The following CCSER1 variants were observed in gnomAD, a reference collection of about 807,000 sequenced individuals.
The protein encoded by CCSER1 is serine-rich coiled-coil domain-containing protein 1.
In CCSER1, 41 loss-of-function variants were observed where a neutral mutation model predicts 82.0. That is an observed-to-expected ratio of 0.50 (90% confidence interval 0.39 to 0.65). The LOEUF (loss-of-function observed/expected upper bound fraction) is 0.65. Ranked by LOEUF, CCSER1 falls within the 30% of genes least tolerant of loss-of-function variation. The probability of loss-of-function intolerance (pLI) is 0.00; values close to 1 mark genes in which losing one functional copy is unlikely to be tolerated. For missense variants in CCSER1, 1,119 were observed against 1,064.2 expected (o/e 1.05, Z -0.72); for synonymous variants, 414 against 383.9 (o/e 1.08, Z -0.92).
chr4:91,310,622 C>A (rs1007975008), intron 10 of CCSER1, among the ~76,000 whole-genome samples: 1 of 151,860 alleles, frequency 6.6e-6, no homozygotes, highest in Non-Finnish European at 1.5e-5. Flanking sequence ...AATTAACACT[C>A]CTTTTTTGTT....
At chr4:91,140,082 T>C (rs745524439) in intron 10 of CCSER1, among the ~76,000 whole-genome samples, 43 of 152,210 alleles carry the variant, frequency 2.8e-4, no homozygotes, top group Admixed American at 1.2e-3. Context: ...TTGTGCTTTA[T>C]TCCTAATGAC....
At chr4:90,782,713 G>C (rs1753960355) in intron 7 of CCSER1, among the ~76,000 whole-genome samples, 1 of 125,520 alleles carries the variant, frequency 8.0e-6, no homozygotes, top group Non-Finnish European at 1.6e-5. Context: ...AGACAGTCTA[G>C]CTCTGTCGCC....
At chr4:90,977,233 A>G (rs974214912) in intron 9 of CCSER1, among the ~76,000 whole-genome samples, 1 of 151,568 alleles carries the variant, frequency 6.6e-6, no homozygotes, top group Non-Finnish European at 1.5e-5. Context: ...GATTCTTGAT[A>G]TCACTTTGGA....
chr4:90,713,804 A>G (rs1255924452), intron 6 of CCSER1, among the ~76,000 whole-genome samples: 6 of 151,780 alleles, frequency 4.0e-5, no homozygotes, highest in Non-Finnish European at 8.8e-5. Context: ...TTCAGTCTCT[A>G]CATAATCCCA....
chr4:90,995,951 A>G (rs1051644073), intron 9 of CCSER1, among the ~76,000 whole-genome samples: 5 of 152,116 alleles, frequency 3.3e-5, no homozygotes, highest in African/African-American at 1.2e-4. Context: ...ACCTCTGTGT[A>G]TAATTTTCAA....
chr4:90,499,129 T>G (rs1270724159), intron 5 of CCSER1, among the ~76,000 whole-genome samples: 1 of 152,066 alleles, frequency 6.6e-6, no homozygotes, highest in African/African-American at 2.4e-5. Flanking sequence ...TGTGTGTGTG[T>G]GTGCATATGT....
intron 10 of CCSER1, among the ~76,000 whole-genome samples, chr4:91,538,575 C>G (rs1761415369): frequency 6.6e-6 from 1 of 151,320 alleles, no homozygotes; most frequent in Admixed American, 6.6e-5. Context: ...ACACCTGCTT[C>G]AAACAGCAGG....
chr4:90,257,700 A>G (rs1028218189), intron 1 of CCSER1, among the ~76,000 whole-genome samples: 8 of 152,142 alleles, frequency 5.3e-5, no homozygotes, highest in African/African-American at 1.9e-4. Context: ...GAAAATTCCA[A>G]GATTTGCTGT....
intron 10 of CCSER1, among the ~76,000 whole-genome samples, chr4:91,514,778 G>A (rs570938681): frequency 4.9e-4 from 75 of 152,268 alleles, no homozygotes; most frequent in Non-Finnish European, 9.1e-4. Flanking sequence ...AGAGCTGATG[G>A]CATAGTTCCA....
intron 9 of CCSER1, among the ~76,000 whole-genome samples, chr4:91,014,752 A>G (rs949549866): frequency 1.3e-5 from 2 of 152,208 alleles, no homozygotes; most frequent in Non-Finnish European, 2.9e-5. Flanking sequence ...TTAAGAATCA[A>G]ATATTTCACT....
chr4:91,283,456 A>C (rs2149206100), intron 10 of CCSER1, among the ~76,000 whole-genome samples: 1 of 152,232 alleles, frequency 6.6e-6, no homozygotes, highest in East Asian at 1.9e-4. Context: ...TGTTTGCATC[A>C]GCTAAGGAAT....
chr4:91,552,754 T>G (rs1424985163), intron 10 of CCSER1, among the ~76,000 whole-genome samples: 4 of 151,616 alleles, frequency 2.6e-5, no homozygotes, highest in African/African-American at 9.7e-5. Flanking sequence ...TGAATTTCTT[T>G]TTTAATTCTA....
chr4:90,739,813 C>A (rs543366606), intron 7 of CCSER1, among the ~76,000 whole-genome samples: 1 of 152,242 alleles, frequency 6.6e-6, no homozygotes, highest in African/African-American at 2.4e-5. Flanking sequence ...TCTCTCTCCA[C>A]GGCAGGTGGC....
intron 10 of CCSER1, among the ~76,000 whole-genome samples, chr4:91,251,506 G>A (rs1740256134): frequency 1.3e-5 from 2 of 152,142 alleles, no homozygotes; most frequent in South Asian, 4.1e-4. Flanking sequence ...AATCCTGGAA[G>A]TGCTATACTT....
intron 8 of CCSER1, among the ~76,000 whole-genome samples, chr4:90,907,732 G>A (rs1725718050): frequency 6.7e-6 from 1 of 150,200 alleles, no homozygotes; most frequent in Non-Finnish European, 1.5e-5. Context: ...TCTTTGTACT[G>A]TTTTTTTTTC....
At chr4:90,585,981 A>G (rs138227699) in intron 5 of CCSER1, among the ~76,000 whole-genome samples, 3 of 152,332 alleles carry the variant, frequency 2.0e-5, no homozygotes, top group Admixed American at 1.3e-4. Context: ...GGTGAAATTC[A>G]TTAATAATGA....
intron 9 of CCSER1, among the ~76,000 whole-genome samples, chr4:90,924,346 G>A (rs902543562): frequency 7.9e-5 from 12 of 151,908 alleles, no homozygotes; most frequent in East Asian, 1.9e-4. Flanking sequence ...TTGTGTTGCC[G>A]TGCAAATTAC....
At chr4:90,361,125 A>T (rs1554013275) in intron 3 of CCSER1, among the ~76,000 whole-genome samples, 2 of 152,208 alleles carry the variant, frequency 1.3e-5, no homozygotes, top group Non-Finnish European at 2.9e-5. Flanking sequence ...AAGAAATGAC[A>T]ATCTATATTT....
chr4:90,730,160 C>T (rs1314565800), intron 7 of CCSER1, among the ~76,000 whole-genome samples: 1 of 152,080 alleles, frequency 6.6e-6, no homozygotes, highest in African/African-American at 2.4e-5. Flanking sequence ...CTAAATATAT[C>T]ATTATGTAAA....
Sources: allele counts gnomAD v4.1 joint callset (sites outside exome capture counted in the v4.1 genomes callset), GRCh38; gene constraint gnomAD v4.1.1; transcripts MANE v1.5; gene names NCBI Gene and HGNC (gene_info 2026-07-23, HGNC 2026-07-21).